Variants in FOXN3 observed in about 807,000 individuals in gnomAD.
FOXN3 encodes the protein forkhead box N3.
FOXN3 carries 7 observed loss-of-function variants against 38.4 expected under a neutral mutation model. The observed-to-expected ratio is 0.18, with a 90% CI of 0.10 to 0.34. The LOEUF (loss-of-function observed/expected upper bound fraction) is 0.34, where lower values mean the gene tolerates loss of function less well. FOXN3 is among the 10% of genes least tolerant of loss of function. The pLI, the probability that FOXN3 is intolerant of heterozygous loss-of-function variation, is 1.00. For missense variants in FOXN3, 456 were observed against 613.4 expected (o/e 0.74, Z 2.71); for synonymous variants, 230 against 242.2 (o/e 0.95, Z 0.47).
intron 4 of FOXN3, among the ~76,000 whole-genome samples, chr14:89,189,694 C>G (rs1887897047): frequency 6.6e-6 from 1 of 152,200 alleles, no homozygotes; most frequent in Non-Finnish European, 1.5e-5. Context: ...GGTAGACTAT[C>G]TCCAGAGATG....
chr14:89,428,410 C>A lies in FOXN3; in HGVS notation c.-14-15920G>T, dbSNP rs78623708. Reference sequence around the variant, plus strand: ...CAAAAGGTGTCCAGAAATTGTGAGACGTGACTGCATGTGAGTACTCAATCT... The same window carrying A: ...CAAAAGGTGTCCAGAAATTGTGAGAAGTGACTGCATGTGAGTACTCAATCT... On this transcript the variant is annotated intron_variant, in intron 1 of 6. Transcript: ENST00000345097. Among the ~76,000 whole-genome samples, 32 of 152,226 alleles carry A rather than the reference C, an allele frequency of 2.1e-4. 1 individual carries two copies. The East Asian group carries it at 5.4e-3, about 26-fold the overall frequency.
intron 1 of FOXN3, among the ~76,000 whole-genome samples, chr14:89,434,150 T>C (rs1354175417): frequency 1.3e-5 from 2 of 150,852 alleles, no homozygotes; most frequent in Admixed American, 1.3e-4. Flanking sequence ...CTTGAACTCC[T>C]GACCTCAGAT....
Position 89,404,504 on chromosome 14 carries a change from CAAAAAAAAA to C in FOXN3, c.543+7421_543+7429del, listed in dbSNP as rs71130075. Among the ~76,000 whole-genome samples the C allele has an allele frequency of 5.3e-3, 323 of 61,036 alleles. 1 individual carries two copies. Among genetic ancestry groups the C allele is most frequent in the Non-Finnish European group, 7.4e-3 (253 of 34,394 alleles). The allele number at this position is 61,036 out of a possible 152,430, so 40.0% of individuals were successfully genotyped here. On this transcript the variant is annotated intron_variant, in intron 2 of 5. Coordinates refer to ENST00000557258, the MANE Select transcript of FOXN3 (RefSeq NM_005197.4). ...TGGGTGACAGAGCGAGACTCTGTCTCAAAAAAAAAAAAAAAAAAAAAAAAAATCGGCAGG... is the reference window on the plus strand; with the variant it reads ...TGGGTGACAGAGCGAGACTCTGTCTCAAAAAAAAAAAAAAAAATCGGCAGG...
At chr14:89,301,867 A>G (rs1228573184) in intron 3 of FOXN3, among the ~76,000 whole-genome samples, 1 of 152,070 alleles carries the variant, frequency 6.6e-6, no homozygotes, top group Non-Finnish European at 1.5e-5. Context: ...TTGTCCTGAT[A>G]CTTCCAACTG....
intron 3 of FOXN3, among the ~76,000 whole-genome samples, chr14:89,297,548 A>AGG: frequency 1.4e-5 from 2 of 145,548 alleles, no homozygotes; most frequent in Non-Finnish European, 3.1e-5. Flanking sequence ...CAACAGAGCA[A>AGG]GACTCCCTTT....
At chr14:89,236,230 T>G (rs961397764) in intron 4 of FOXN3, among the ~76,000 whole-genome samples, 1 of 152,176 alleles carries the variant, frequency 6.6e-6, no homozygotes, top group African/African-American at 2.4e-5. Context: ...GAGAGTAGCA[T>G]GCAGGCCGGG....
chr14:89,255,846 G>C (rs1272861459), intron 4 of FOXN3, among the ~76,000 whole-genome samples: 3 of 152,102 alleles, frequency 2.0e-5, no homozygotes, highest in Admixed American at 1.3e-4. Context: ...GTCTTCATAG[G>C]AGTAAGAAGC....
At chr14:89,428,924 G>A (rs1185217657) in intron 1 of FOXN3, among the ~76,000 whole-genome samples, 1 of 152,230 alleles carries the variant, frequency 6.6e-6, no homozygotes, top group Non-Finnish European at 1.5e-5. Context: ...GCCCAGGCCA[G>A]GTTCAATGGG....
intron 1 of FOXN3, among the ~76,000 whole-genome samples, chr14:89,592,936 A>G (rs1447379364): frequency 6.6e-6 from 1 of 152,138 alleles, no homozygotes; most frequent in East Asian, 1.9e-4. Flanking sequence ...AAGTTTGAGC[A>G]ACAACAAAAT....
chr14:89,472,195 C>T (rs549487775), intron 1 of FOXN3, among the ~76,000 whole-genome samples: 2 of 150,438 alleles, frequency 1.3e-5, no homozygotes, highest in East Asian at 2.0e-4. Context: ...GCGGAGGTTG[C>T]GGTGAGCTGA....
chr14:89,453,067 C>G (rs1892646135), intron 1 of FOXN3, among the ~76,000 whole-genome samples: 1 of 151,948 alleles, frequency 6.6e-6, no homozygotes, highest in Non-Finnish European at 1.5e-5. Context: ...GGCATTGTGG[C>G]ACATACCTGT....
At chr14:89,569,247 A>C (rs560681162) in intron 1 of FOXN3, among the ~76,000 whole-genome samples, 57 of 150,846 alleles carry the variant, frequency 3.8e-4, no homozygotes, top group African/African-American at 1.3e-3. Flanking sequence ...TACCCAGACT[A>C]CCCACTGACA....
At chr14:89,503,619 G>T (rs1182068439) in intron 1 of FOXN3, among the ~76,000 whole-genome samples, 2 of 152,170 alleles carry the variant, frequency 1.3e-5, no homozygotes, top group Non-Finnish European at 2.9e-5. Flanking sequence ...GCAACCACAC[G>T]TTTTATAGAT....
At chr14:89,344,943 T>G (rs1888720301) in intron 3 of FOXN3, among the ~76,000 whole-genome samples, 1 of 152,032 alleles carries the variant, frequency 6.6e-6, no homozygotes, top group East Asian at 1.9e-4. Flanking sequence ...TCCGAAGAGG[T>G]ACGGGCAAGC....
chr14:89,381,145 CA>C (rs71130067), intron 2 of FOXN3, among the ~76,000 whole-genome samples: 10,626 of 63,322 alleles, frequency 0.17, 153 homozygotes, highest in Middle Eastern at 0.34. Context: ...CCCTCCGTCT[CA>C]AAAAAAAAAA....
intron 1 of FOXN3, among the ~76,000 whole-genome samples, chr14:89,522,735 A>G (rs916107815): frequency 6.6e-6 from 1 of 151,966 alleles, no homozygotes; most frequent in African/African-American, 2.4e-5. Flanking sequence ...AAAGATATAT[A>G]GCTATTAAAG....
At chr14:89,479,401 C>T (rs1893277958) in intron 1 of FOXN3, among the ~76,000 whole-genome samples, 2 of 152,148 alleles carry the variant, frequency 1.3e-5, no homozygotes, top group Non-Finnish European at 2.9e-5. Context: ...TTAGACAAAC[C>T]CATTTCTCTC....
At chr14:89,392,993 A>G (rs1328502001) in intron 2 of FOXN3, among the ~76,000 whole-genome samples, 1 of 151,864 alleles carries the variant, frequency 6.6e-6, no homozygotes, top group Non-Finnish European at 1.5e-5. Flanking sequence ...TTTTAGTAGA[A>G]ATGGGGTTTC....
chr14:89,421,634 C>A (rs10133198), upstream of FOXN3, among the ~76,000 whole-genome samples: 10,771 of 150,572 alleles, frequency 0.072, 413 homozygotes, highest in South Asian at 0.16. Context: ...TCAAGCAATT[C>A]TCCTGCCTCA....
Sources: allele counts gnomAD v4.1 joint callset (sites outside exome capture counted in the v4.1 genomes callset), GRCh38; gene constraint gnomAD v4.1.1; transcripts MANE v1.5; gene names NCBI Gene and HGNC (gene_info 2026-07-23, HGNC 2026-07-21).